DDX60L: variants seen among roughly 807,000 people sequenced by gnomAD.
The protein encoded by DDX60L is DExD/H-box 60 like.
In DDX60L, 191 loss-of-function variants were observed where a neutral mutation model predicts 211.6. The ratio of observed to expected loss-of-function variants is 0.90; its 90% CI spans 0.80 to 1.02. DDX60L has a LOEUF of 1.02. DDX60L is among the 50% of genes least tolerant of loss of function. The probability of loss-of-function intolerance (pLI) is 0.00; values close to 1 mark genes in which losing one functional copy is unlikely to be tolerated. For synonymous variants in DDX60L, 706 were observed against 694.1 expected, an observed-to-expected ratio of 1.02 and a Z score of -0.27; for missense variants, 2,007 against 1,984.1, an observed-to-expected ratio of 1.01 and a Z score of -0.22.
chr4:168,366,964 A>G (rs1270408597), intron 36 of DDX60L, among the ~76,000 whole-genome samples: 1 of 151,866 alleles, frequency 6.6e-6, no homozygotes, highest in Admixed American at 6.6e-5. Context: ...ATGCTATTAT[A>G]TATGTGTTTA....
rs1034660236 is a variant in DDX60L, at chr4:168,416,678, C to A, written c.2726+4G>T. 1.3e-6 allele frequency: 2 copies of A among 1,567,998 alleles called. No homozygotes were observed. Among genetic ancestry groups the A allele is most frequent in the Admixed American group, 3.7e-5 (2 of 54,704 alleles). ...TAACAACCACTCTTTTTACCTATAC[C>A]TACTTGGTGAGAAGATTTGGGTTAT... On this transcript the variant is annotated splice_donor_region_variant and intron_variant, in intron 20 of 37. Coordinates refer to ENST00000682922, the MANE Select transcript of DDX60L (RefSeq NM_001012967.3).
Position 168,471,736 on chromosome 4 carries a change from T to G in DDX60L, c.264+11A>C. 2 of 1,576,892 alleles carry G rather than the reference T, an allele frequency of 1.3e-6. No individual in the cohort carries two copies. Among genetic ancestry groups the G allele is most frequent in the Non-Finnish European group, 1.7e-6 (2 of 1,167,462 alleles). On this transcript the variant is annotated intron_variant, in intron 4 of 37. Coordinates refer to ENST00000682922, the MANE Select transcript of DDX60L (RefSeq NM_001012967.3). ...CAAAGGACTAAAACGACATCAATCATCATATATTACCTTAAAGAAAACTAT... is the reference window on the plus strand; with the variant it reads ...CAAAGGACTAAAACGACATCAATCAGCATATATTACCTTAAAGAAAACTAT...
intron 22 of DDX60L, among the ~76,000 whole-genome samples, chr4:168,410,622 G>A (rs1291374457): frequency 2.0e-5 from 3 of 152,282 alleles, no homozygotes; most frequent in East Asian, 3.9e-4. Context: ...ATCTTCACAA[G>A]GCAACTTGAA....
intron 6 of DDX60L, among the ~76,000 whole-genome samples, chr4:168,457,503 C>T (rs369068477): frequency 6.6e-6 from 1 of 150,796 alleles, no homozygotes; most frequent in East Asian, 1.9e-4. Context: ...TAGTATAAAG[C>T]ATAGCTTGAG....
At chr4:168,462,168 C>G (rs1303244929) in intron 4 of DDX60L, 128 bp from the exon 5 acceptor site, 1 of 692,630 alleles carries the variant, frequency 1.4e-6, no homozygotes, top group Non-Finnish European at 2.4e-6. Context: ...TGCTCAAGGG[C>G]CTTAAACTTG....
At chr4:168,406,855 G>C (rs1192642643) in intron 22 of DDX60L, 149 bp from the exon 23 acceptor site, 10 of 611,490 alleles carry the variant, frequency 1.6e-5, no homozygotes, top group Middle Eastern at 4.6e-4. Context: ...TTTCACCTCT[G>C]CAAGGATCTG....
At chr4:168,372,698 G>A (rs1205570722) in intron 35 of DDX60L, among the ~76,000 whole-genome samples, 1 of 151,848 alleles carries the variant, frequency 6.6e-6, no homozygotes, top group Non-Finnish European at 1.5e-5. Flanking sequence ...CTGCACTCCA[G>A]CCTGGGCAAG....
intron 12 of DDX60L, among the ~76,000 whole-genome samples, chr4:168,432,105 A>C (rs891637580): frequency 3.3e-5 from 5 of 152,094 alleles, no homozygotes; most frequent in Non-Finnish European, 7.4e-5. Flanking sequence ...ACATCCTTAA[A>C]AGATTAATAA....
At chr4:168,433,150 G>T (rs1332868577) in intron 10 of DDX60L, 35 bp from the exon 11 acceptor site, 1 of 1,351,774 alleles carries the variant, frequency 7.4e-7, no homozygotes. Context: ...TGAGAGGAAA[G>T]GTGTAACTAT....
intron 16 of DDX60L, 30 bp from the exon 17 acceptor site, chr4:168,421,939 A>G: frequency 6.2e-7 from 1 of 1,613,752 alleles, no homozygotes; most frequent in Non-Finnish European, 8.5e-7. Context: ...ATTTGTGTCA[A>G]GAAAGTGAAC....
intron 6 of DDX60L, 142 bp downstream of exon 6, chr4:168,457,750 T>C: frequency 4.7e-6 from 2 of 424,014 alleles, no homozygotes; most frequent in East Asian, 6.6e-5. Context: ...GAGCATGACA[T>C]TCTAAGATTC....
intron 34 of DDX60L, 82 bp from the exon 35 acceptor site, chr4:168,373,890 C>CT: frequency 2.9e-6 from 4 of 1,378,826 alleles, no homozygotes; most frequent in South Asian, 1.3e-5. Context: ...TAGGTCAAGC[C>CT]ACAGTAGGTG....
At chr4:168,403,917 G>T in intron 25 of DDX60L, 65 bp downstream of exon 25, 1 of 1,088,454 alleles carries the variant, frequency 9.2e-7, no homozygotes, top group Non-Finnish European at 1.2e-6. Context: ...GAGACTAATT[G>T]AAAACAAAAC....
intron 10 of DDX60L, among the ~76,000 whole-genome samples, chr4:168,434,490 T>C (rs755561936): frequency 7.9e-5 from 12 of 152,298 alleles, no homozygotes; most frequent in Non-Finnish European, 1.5e-4. Flanking sequence ...ATAGTTACGC[T>C]ATTGTGTAAG....
chr4:168,420,591 T>C (rs1750377871), intron 17 of DDX60L, among the ~76,000 whole-genome samples: 1 of 143,210 alleles, frequency 7.0e-6, no homozygotes, highest in Non-Finnish European at 1.5e-5. Context: ...TGATCCTCCT[T>C]GATTTTAAAC....
intron 22 of DDX60L, among the ~76,000 whole-genome samples, chr4:168,408,510 A>C (rs1341007163): frequency 2.0e-5 from 3 of 152,234 alleles, no homozygotes; most frequent in Non-Finnish European, 4.4e-5. Context: ...ATAATACATA[A>C]AATTATATAG....
At chr4:168,397,759 G>A (rs1038234565) in intron 26 of DDX60L, among the ~76,000 whole-genome samples, 11 of 152,346 alleles carry the variant, frequency 7.2e-5, no homozygotes, top group Admixed American at 2.0e-4. Flanking sequence ...CCAGGACACC[G>A]GCTGCAGTGG....
intron 10 of DDX60L, among the ~76,000 whole-genome samples, chr4:168,437,024 T>C (rs1327016677): frequency 6.6e-6 from 1 of 152,192 alleles, no homozygotes; most frequent in Non-Finnish European, 1.5e-5. Flanking sequence ...GGTTCCGTAG[T>C]ACATCCCTTC....
At chr4:168,373,893 A>C (rs1741471052) in intron 34 of DDX60L, 85 bp from the exon 35 acceptor site, 1 of 1,346,488 alleles carries the variant, frequency 7.4e-7, no homozygotes, top group Non-Finnish European at 1.0e-6. Context: ...GTCAAGCCAC[A>C]GTAGGTGACA....
Sources: allele counts gnomAD v4.1 joint callset (sites outside exome capture counted in the v4.1 genomes callset), GRCh38; gene constraint gnomAD v4.1.1; transcripts MANE v1.5; gene names NCBI Gene and HGNC (gene_info 2026-07-23, HGNC 2026-07-21).